HDAC9: variants seen among roughly 807,000 people sequenced by gnomAD.
HDAC9 encodes the protein histone deacetylase 9.
Under a neutral mutation model 139.4 loss-of-function variants are expected in HDAC9, and 41 were observed. The ratio of observed to expected loss-of-function variants is 0.29; its 90% confidence interval spans 0.23 to 0.38. The LOEUF (loss-of-function observed/expected upper bound fraction) is 0.38, where lower values mean the gene tolerates loss of function less well. Ranked by LOEUF, HDAC9 falls within the 10% of genes least tolerant of loss-of-function variation. The pLI is 1.00. For synonymous variants in HDAC9, 517 were observed against 476.2 expected (o/e 1.09, Z -1.12); for missense variants, 1,147 against 1,297.0 (o/e 0.88, Z 1.78).
chr7:18,555,879 A>G (rs959648090), intron 2 of HDAC9, among the ~76,000 whole-genome samples: 1 of 152,086 alleles, frequency 6.6e-6, no homozygotes, highest in Admixed American at 6.5e-5. Context: ...AACATGGCAA[A>G]ATAGTTGTAT....
At chr7:18,793,108 A>G (rs1792474251) in intron 16 of HDAC9, 1 of 496,004 alleles carries the variant, frequency 2.0e-6, no homozygotes, top group Admixed American at 3.3e-5. Flanking sequence ...CCATTGGAGA[A>G]GTCAGTGTAG....
chr7:18,323,935 GT>G (rs201833273), intron 1 of HDAC9, among the ~76,000 whole-genome samples: 30,632 of 138,794 alleles, frequency 0.22, 3,129 homozygotes, highest in East Asian at 0.26. Context: ...TGGTTGTTTT[GT>G]TTTTTTTTTT....
intron 13 of HDAC9, among the ~76,000 whole-genome samples, chr7:18,736,557 A>G (rs1481565796): frequency 2.6e-5 from 4 of 152,132 alleles, no homozygotes; most frequent in Non-Finnish European, 5.9e-5. Flanking sequence ...TGTATGTTGA[A>G]CCAGCCTTGC....
intron 1 of HDAC9, among the ~76,000 whole-genome samples, chr7:18,109,573 C>G (rs1783472456): frequency 1.3e-5 from 2 of 151,926 alleles, no homozygotes; most frequent in African/African-American, 4.8e-5. Context: ...AAGATATTAA[C>G]AGTGCTGAGA....
intron 21 of HDAC9, among the ~76,000 whole-genome samples, chr7:18,866,470 G>C (rs921108321): frequency 6.6e-6 from 1 of 152,024 alleles, no homozygotes; most frequent in South Asian, 2.1e-4. Context: ...CTTCCTTGTT[G>C]GTTGCCCGCT....
chr7:18,763,805 A>G (rs1789595568), intron 15 of HDAC9, among the ~76,000 whole-genome samples: 1 of 152,102 alleles, frequency 6.6e-6, no homozygotes, highest in Admixed American at 6.6e-5. Context: ...AGAAAAAACA[A>G]GTAGAAAACC....
At chr7:18,823,458 G>T (rs1585103053) in intron 17 of HDAC9, among the ~76,000 whole-genome samples, 1 of 152,200 alleles carries the variant, frequency 6.6e-6, no homozygotes, top group African/African-American at 2.4e-5. Context: ...TAGGTGCGGG[G>T]ACAGAGCAGG....
rs1280122655 is a variant in HDAC9 at position 18,136,765 on chromosome 7, T to C, written c.-96-25464T>C. Among the ~76,000 whole-genome samples, 109 of 151,504 alleles carry C rather than the reference T, an allele frequency of 7.2e-4. 8 individuals are homozygous for C. The highest frequency in any genetic ancestry group is 3.0e-5 in the Non-Finnish European group (2 of 67,766). ...TGCCTCCAGCTTTGTTCTTTTGGCT[T>C]AGGATTGACTTGGCGATGCGGGCTC... On this transcript the variant is annotated intron_variant, in intron 1 of 12. Transcript: ENST00000417496.
At chr7:18,778,278 A>T (rs769864445) in intron 16 of HDAC9, among the ~76,000 whole-genome samples, 1 of 151,942 alleles carries the variant, frequency 6.6e-6, no homozygotes, top group Non-Finnish European at 1.5e-5. Context: ...GCACTCAAAC[A>T]TCATCAATTC....
chr7:18,117,365 A>G (rs1784066736), intron 1 of HDAC9, among the ~76,000 whole-genome samples: 1 of 152,080 alleles, frequency 6.6e-6, no homozygotes. Context: ...GGGCGCCTGT[A>G]GTCCCAGCTA....
intron 1 of HDAC9, among the ~76,000 whole-genome samples, chr7:18,405,111 C>T (rs1012466260): frequency 6.6e-6 from 1 of 152,192 alleles, no homozygotes; most frequent in Non-Finnish European, 1.5e-5. Flanking sequence ...TGCGCAAACT[C>T]CATATAGATA....
intron 22 of HDAC9, among the ~76,000 whole-genome samples, chr7:18,922,171 A>G (rs577661557): frequency 2.6e-5 from 4 of 152,164 alleles, no homozygotes; most frequent in African/African-American, 9.6e-5. Context: ...TGGCACATGT[A>G]TATATATGTA....
At chr7:18,870,276 A>G (rs1350294762) in intron 21 of HDAC9, among the ~76,000 whole-genome samples, 1 of 152,284 alleles carries the variant, frequency 6.6e-6, no homozygotes, top group East Asian at 1.9e-4. Flanking sequence ...CTTAGACATC[A>G]TGCCTCCTCA....
chr7:18,095,083 A>G (rs938127132), intron 1 of HDAC9, among the ~76,000 whole-genome samples: 2 of 152,170 alleles, frequency 1.3e-5, no homozygotes, highest in African/African-American at 2.4e-5. Flanking sequence ...ATAGGTTTCT[A>G]TAAGTGATCA....
chr7:18,506,519 T>G (rs2128172234), intron 2 of HDAC9, among the ~76,000 whole-genome samples: 1 of 152,280 alleles, frequency 6.6e-6, no homozygotes, highest in South Asian at 2.1e-4. Flanking sequence ...AAAGTGTATA[T>G]ATATCTGTTT....
chr7:18,105,035 G>C (rs1014077636), intron 1 of HDAC9, among the ~76,000 whole-genome samples: 7 of 150,980 alleles, frequency 4.6e-5, no homozygotes, highest in Admixed American at 6.6e-5. Flanking sequence ...TTTCTAAAAT[G>C]AAATTTTAAT....
At chr7:18,768,112 A>G (rs892321911) in intron 16 of HDAC9, among the ~76,000 whole-genome samples, 1 of 152,170 alleles carries the variant, frequency 6.6e-6, no homozygotes, top group Non-Finnish European at 1.5e-5. Flanking sequence ...AGCTATATCC[A>G]TTTGCCTCCG....
At chr7:18,918,091 A>C (rs775801587) in intron 22 of HDAC9, among the ~76,000 whole-genome samples, 69 of 152,190 alleles carry the variant, frequency 4.5e-4, no homozygotes, top group Non-Finnish European at 8.4e-4. Flanking sequence ...AATTAAAATC[A>C]AGTCGATGTG....
At chr7:18,554,862 A>C (rs1818318503) in intron 2 of HDAC9, among the ~76,000 whole-genome samples, 1 of 152,190 alleles carries the variant, frequency 6.6e-6, no homozygotes, top group Non-Finnish European at 1.5e-5. Flanking sequence ...ACTGTCTTCT[A>C]GAATTCTATT....
Sources: gnomAD v4.1 joint callset for allele counts (sites outside exome capture counted in the v4.1 genomes callset) on GRCh38, gnomAD v4.1.1 for gene constraint, MANE v1.5 for transcripts, NCBI Gene and HGNC (gene_info 2026-07-23, HGNC 2026-07-21) for gene names.